Variants in RMDN1 observed in about 807,000 individuals in gnomAD.
RMDN1 encodes the protein regulator of microtubule dynamics 1.
In RMDN1, 48 loss-of-function variants were observed where a neutral mutation model predicts 48.9. That is an observed-to-expected ratio of 0.98 (90% confidence interval 0.78 to 1.25). The LOEUF (loss-of-function observed/expected upper bound fraction) is 1.25, where lower values mean the gene tolerates loss of function less well. RMDN1 is among the 50% of genes most tolerant of loss of function. The pLI is 0.00. For missense variants in RMDN1, 418 were observed against 373.4 expected (o/e 1.12, Z -0.98); for synonymous variants, 148 against 132.6 (o/e 1.12, Z -0.80).
intron 4 of RMDN1, among the ~76,000 whole-genome samples, chr8:86,485,580 T>C (rs570388486): frequency 3.9e-5 from 6 of 152,216 alleles, no homozygotes; most frequent in Non-Finnish European, 7.3e-5. Flanking sequence ...TAGAAGAATA[T>C]GTAATTGAAT....
upstream of RMDN1, chr8:86,508,789 C>T (rs906519103): frequency 1.5e-6 from 2 of 1,370,612 alleles, no homozygotes; most frequent in Non-Finnish European, 1.9e-6. Flanking sequence ...TTCCGGTGCA[C>T]GGGCTTAGGG....
At chr8:86,469,251 C>T (rs187317739), downstream of RMDN1, among the ~76,000 whole-genome samples, 53 of 151,514 alleles carry the variant, frequency 3.5e-4, no homozygotes, top group African/African-American at 9.4e-4. Flanking sequence ...CCCCTGATGA[C>T]TTCTGTTAAC....
At position 86,508,528 on chromosome 8, in the gene RMDN1, G is replaced by C. The variant is rs1819784536; in HGVS notation, c.93C>G (p.Arg31=). Residue 31 remains arginine, a synonymous_variant, in exon 1 of 10, where the codon CGC becomes CGG. Coordinates refer to ENST00000406452, the MANE Select transcript of RMDN1 (RefSeq NM_016033.3). ...GGAATCGACAGGGGCCGCAATGCCC[G>C]CGGCTGCCCGAAGTCCCCGCAGGGA... ...SRLPAGTSGS[R]GHCGPCRFRG... 3 of 1,569,316 alleles carry C rather than the reference G, an allele frequency of 1.9e-6. No individual in the cohort carries two copies. In the South Asian group the frequency reaches 3.5e-5, roughly 18 times the overall value.
At chr8:86,485,200 G>A (rs1815263707) in intron 4 of RMDN1, among the ~76,000 whole-genome samples, 1 of 152,226 alleles carries the variant, frequency 6.6e-6, no homozygotes, top group Admixed American at 6.5e-5. Flanking sequence ...GGCCGAGGTG[G>A]ATGGATCACC....
intron 3 of RMDN1, among the ~76,000 whole-genome samples, chr8:86,487,812 G>C (rs1366552801): frequency 6.6e-6 from 1 of 152,008 alleles, no homozygotes; most frequent in Non-Finnish European, 1.5e-5. Context: ...GAATTACTAA[G>C]GGAAGAATGG....
At chr8:86,470,718 A>AAACT (rs1342459863), downstream of RMDN1, among the ~76,000 whole-genome samples, 4 of 152,202 alleles carry the variant, frequency 2.6e-5, no homozygotes, top group Admixed American at 6.5e-5. Context: ...AAAAAGAAAC[A>AAACT]AACTATTGAT....
Position 86,484,878 on chromosome 8 carries a change from A to G in RMDN1, c.579T>C (p.His193=). 6.4e-7 allele frequency: 1 copy of G among 1,574,658 alleles called. No individual in the cohort carries two copies. The highest frequency in any genetic ancestry group is 8.7e-7 in the Non-Finnish European group (1 of 1,152,272). The part of the protein sequence containing the change: ...KIANAYIIKE[H]FEKAIELNPK... ...TTGAATAATTCATCAGTACCTCAAA[A>G]TGCTCCTTGATGATATATGCATTTG... The change falls in exon 5 of 10, where the codon CAT becomes CAC. Residue 193 remains histidine, a synonymous_variant. Transcript: ENST00000406452.
At chr8:86,489,829 CAA>C (rs1237646168) in intron 2 of RMDN1, among the ~76,000 whole-genome samples, 2 of 59,536 alleles carry the variant, frequency 3.4e-5, no homozygotes. Context: ...GACTCTGTCT[CAA>C]AAAAAAAAAG....
chr8:86,480,890 TAAAC>T (rs998057217), intron 5 of RMDN1, among the ~76,000 whole-genome samples: 91 of 152,186 alleles, frequency 6.0e-4, no homozygotes, highest in African/African-American at 2.2e-3. Context: ...AAAGGAAAAA[TAAAC>T]AGTTTATAGA....
At chr8:86,504,586 C>A in intron 2 of RMDN1, 2 of 1,064,988 alleles carry the variant, frequency 1.9e-6, no homozygotes, top group Non-Finnish European at 2.9e-6. Context: ...GCGGACCCTG[C>A]ATATGATAGG....
chr8:86,471,140 A>C (rs1379584377), downstream of RMDN1, among the ~76,000 whole-genome samples: 1 of 145,266 alleles, frequency 6.9e-6, no homozygotes, highest in East Asian at 1.9e-4. Context: ...AGAAAGGTAC[A>C]CAGGATCTTT....
chr8:86,489,335 A>T (rs1816047297), intron 2 of RMDN1, among the ~76,000 whole-genome samples: 1 of 152,182 alleles, frequency 6.6e-6, no homozygotes, highest in Admixed American at 6.5e-5. Flanking sequence ...ATACATAAAC[A>T]TTATTGACAG....
At chr8:86,508,771 C>T (rs954272868), upstream of RMDN1, 2 of 973,760 alleles carry the variant, frequency 2.1e-6, no homozygotes, top group Non-Finnish European at 2.5e-6. Flanking sequence ...CTCTTCCGCC[C>T]CCATGGTTTC....
chr8:86,472,582 C>T lies in RMDN1; in HGVS notation c.*1726G>A, dbSNP rs1426321834. On this transcript the variant is annotated 3_prime_UTR_variant, in exon 10 of 10. Transcript: ENST00000406452. ...TGTTGTTGCCGTTTAACAGCTGATACAGGTTTCTGGTGATGCTACTGTTGC... is the reference window on the plus strand; with the variant it reads ...TGTTGTTGCCGTTTAACAGCTGATATAGGTTTCTGGTGATGCTACTGTTGC... 8.9e-6 allele frequency: 6 copies of T among 676,866 alleles called. No individual in the cohort carries two copies. The highest frequency in any genetic ancestry group is 1.3e-5 in the Non-Finnish European group (5 of 374,534). The allele number at this position is 676,866 out of a possible 1,614,324, so 41.9% of individuals were successfully genotyped here.
At position 86,473,768 on chromosome 8, in the gene RMDN1, A is replaced by AAAAAT. The variant is rs1383520379; in HGVS notation, c.*535_*539dup. ...GAAACAAAGTGAGACTCTGTCTCAA[A>AAAAAT]AAAATAAAAAAGGAAACTACTCCAT... On this transcript the variant is annotated 3_prime_UTR_variant, in exon 10 of 10. Transcript: ENST00000406452. 1 of 962,010 alleles carries AAAAAT rather than the reference A, an allele frequency of 1.0e-6. No homozygotes were observed. Among genetic ancestry groups the AAAAAT allele is most frequent in the East Asian group, 1.1e-4 (1 of 8,708 alleles). 59.6% of individuals were successfully genotyped at this position (962,010 alleles called of 1,614,324 possible). A position where few individuals can be genotyped will look rare whatever the true frequency, so the allele number is the denominator to read the frequency against.
At chr8:86,472,342 G>A, downstream of RMDN1, 1 of 680,994 alleles carries the variant, frequency 1.5e-6, no homozygotes, top group South Asian at 1.6e-5. Flanking sequence ...ACAGGTCACA[G>A]TCAAAATGCA....
intron 5 of RMDN1, chr8:86,481,992 C>T: frequency 1.2e-6 from 1 of 844,294 alleles, no homozygotes; most frequent in South Asian, 1.4e-5. Flanking sequence ...AAATGGTGTC[C>T]AGGAGTACAG....
In RMDN1 at chr8:86,484,947, G is replaced by A. The variant is rs11539113; in HGVS notation, c.510C>T (p.Cys170=). Residue 170 remains cysteine (C), a synonymous_variant, in exon 5 of 10, where the codon TGC becomes TGT. Coordinates refer to ENST00000406452, the MANE Select transcript of RMDN1 (RefSeq NM_016033.3). ...SFASHKWYAI[C]LSDVGDYEGI... ...CTTCATAATCTCCAACATCACTAAGGCAGATTGCATACCACTGAAAATTTA... is the reference window on the plus strand; with the variant it reads ...CTTCATAATCTCCAACATCACTAAGACAGATTGCATACCACTGAAAATTTA... The A allele has an allele frequency of 0.27, 431,932 of 1,584,498 alleles. 66,505 individuals carry two copies. Among genetic ancestry groups the A allele is most frequent in the Admixed American group, 0.57 (33,181 of 58,590 alleles).
chr8:86,498,928 G>A (rs1817791985), intron 2 of RMDN1, among the ~76,000 whole-genome samples: 1 of 152,126 alleles, frequency 6.6e-6, no homozygotes, highest in South Asian at 2.1e-4. Context: ...ATCAATAAAT[G>A]GGATTCATCA....
Sources: gnomAD v4.1 joint callset for allele counts (sites outside exome capture counted in the v4.1 genomes callset) on GRCh38, gnomAD v4.1.1 for gene constraint, MANE v1.5 for transcripts, NCBI Gene and HGNC (gene_info 2026-07-23, HGNC 2026-07-21) for gene names.